The following NSD3 variants were observed in gnomAD, a reference collection of about 807,000 sequenced individuals.
The protein encoded by NSD3 is nuclear receptor binding SET domain protein 3.
A neutral mutation model predicts 160.8 loss-of-function variants in NSD3; 24 were observed. That is an observed-to-expected ratio of 0.15 (90% CI 0.11 to 0.21). NSD3 has a LOEUF of 0.21. Among genes scored for constraint, NSD3 ranks in the 10% least tolerant of loss-of-function variants. The probability of loss-of-function intolerance (pLI) is 1.00; values close to 1 mark genes in which losing one functional copy is unlikely to be tolerated. For synonymous variants in NSD3, 520 were observed against 600.0 expected (o/e 0.87, Z 1.95); for missense variants, 1,157 against 1,735.9 (o/e 0.67, Z 5.93).
chr8:38,279,503 T>C, intron 21 of NSD3, 37 bp downstream of exon 21: 3 of 1,609,102 alleles, frequency 1.9e-6, no homozygotes, highest in South Asian at 1.1e-5. Flanking sequence ...TCTTTCTTCC[T>C]AGGGAGGAAA....
At chr8:38,282,865 C>A (rs916386401) in intron 19 of NSD3, among the ~76,000 whole-genome samples, 1 of 152,048 alleles carries the variant, frequency 6.6e-6, no homozygotes, top group African/African-American at 2.4e-5. Context: ...AGCCATTCAC[C>A]CATGGAAGAA....
intron 12 of NSD3, among the ~76,000 whole-genome samples, chr8:38,311,028 G>A (rs1214658904): frequency 1.3e-5 from 2 of 148,836 alleles, no homozygotes; most frequent in South Asian, 4.3e-4. Flanking sequence ...ATTCTAATGG[G>A]TATCAAGTGG....
At chr8:38,336,932 G>A (rs905510493) in intron 4 of NSD3, among the ~76,000 whole-genome samples, 3 of 151,990 alleles carry the variant, frequency 2.0e-5, no homozygotes, top group East Asian at 3.9e-4. Flanking sequence ...CCTTGAGTTC[G>A]AGAGTTCAAG....
intron 2 of NSD3, among the ~76,000 whole-genome samples, chr8:38,343,330 T>C (rs1466927719): frequency 6.6e-6 from 1 of 152,158 alleles, no homozygotes; most frequent in Non-Finnish European, 1.5e-5. Context: ...ACATTAAAGT[T>C]GGAAAGAAAA....
At chr8:38,287,501 A>C (rs1808890703) in intron 19 of NSD3, among the ~76,000 whole-genome samples, 1 of 152,170 alleles carries the variant, frequency 6.6e-6, no homozygotes, top group Non-Finnish European at 1.5e-5. Context: ...TACCTATCAA[A>C]CTATGAACAA....
At chr8:38,354,732 G>GA (rs745424662) in intron 1 of NSD3, among the ~76,000 whole-genome samples, 30 of 145,104 alleles carry the variant, frequency 2.1e-4, no homozygotes, top group Admixed American at 3.4e-4. Flanking sequence ...AAAGTTCGGG[G>GA]AAAAAAAAAA....
rs1810246484 is a variant in NSD3, at chr8:38,337,322, G to C, written c.893C>G (p.Thr298Ser). The change falls in exon 4 of 24, where the codon ACT becomes AGT. Residue 298 changes from threonine (T) to serine (S), a missense_variant. By Grantham distance (58) the Thr-to-Ser change is moderately conservative (BLOSUM62 1). Transcript: ENST00000317025. ...VSSDPQLEVH[T>S]KINTRGAREY... ...TTTCTTACCTCTTGTGTTAATTTTA[G>C]TATGAACCTCAAGCTGGGGATCACT... 4 of 1,603,750 alleles carry C rather than the reference G, an allele frequency of 2.5e-6. No individual in the cohort carries two copies. Among genetic ancestry groups the C allele is most frequent in the Non-Finnish European group, 3.4e-6 (4 of 1,176,826 alleles).
chr8:38,275,444 A>G lies in NSD3; in HGVS notation c.*197T>C. The G allele has an allele frequency of 1.8e-6, 1 of 564,130 alleles. No individual in the cohort carries two copies. The highest frequency in any genetic ancestry group is 3.1e-6 in the Non-Finnish European group (1 of 322,134). 34.9% of individuals were successfully genotyped at this position (564,130 alleles called of 1,614,324 possible). A position where few individuals can be genotyped will look rare whatever the true frequency, so the allele number is the denominator to read the frequency against. On this transcript the variant is annotated 3_prime_UTR_variant, in exon 24 of 24. Coordinates refer to ENST00000317025, the MANE Select transcript of NSD3 (RefSeq NM_023034.2). ...CCAAGGGAATTTAACCCTCCACAAAAGAATCCCAAACCAACCAAATCAAAC... is the reference window on the plus strand; with the variant it reads ...CCAAGGGAATTTAACCCTCCACAAAGGAATCCCAAACCAACCAAATCAAAC...
rs1053343112 is a variant in NSD3 at position 38,270,008 on chromosome 8, T to C, written c.*5633A>G. 1 of 152,226 alleles carries C rather than the reference T, an allele frequency of 6.6e-6. No homozygotes were observed. The highest frequency in any genetic ancestry group is 2.4e-5 in the African/African-American group (1 of 41,448). 9.4% of individuals were successfully genotyped at this position (152,226 alleles called of 1,614,324 possible). A position where few individuals can be genotyped will look rare whatever the true frequency, so the allele number is the denominator to read the frequency against. On this transcript the variant is annotated 3_prime_UTR_variant, in exon 24 of 24. Transcript: ENST00000317025. Reference sequence around the variant, plus strand: ...ACCAAGCTTTACACGTTTCACACTATGCAATAAAACATAGGCCAATCAACA... The same window carrying C: ...ACCAAGCTTTACACGTTTCACACTACGCAATAAAACATAGGCCAATCAACA...
In NSD3 at chr8:38,288,282, G is replaced by C. The variant is rs898826403; in HGVS notation, c.3501+205C>G. 1.4e-4 allele frequency among the ~76,000 whole-genome samples: 21 copies of C among 152,110 alleles called. 1 individual carries two copies. The highest frequency in any genetic ancestry group is 1.2e-3 in the Admixed American group (19 of 15,276). ...CTCTCCTTTTTATGACTAGCCACTGGACACTCAAAGTTTAAGCACATTTTA... is the reference window on the plus strand; with the variant it reads ...CTCTCCTTTTTATGACTAGCCACTGCACACTCAAAGTTTAAGCACATTTTA... On this transcript the variant is annotated intron_variant, in intron 19 of 23. Coordinates refer to ENST00000317025, the MANE Select transcript of NSD3 (RefSeq NM_023034.2). The surrounding 1 kb of genome is among the most constrained non-coding windows in gnomAD (Gnocchi z 4.5).
intron 1 of NSD3, among the ~76,000 whole-genome samples, chr8:38,371,533 G>A (rs1224579614): frequency 6.6e-6 from 1 of 152,124 alleles, no homozygotes; most frequent in Admixed American, 6.5e-5. Flanking sequence ...AATCGCTATC[G>A]CCCATGCAGG....
intron 5 of NSD3, 126 bp from the exon 6 acceptor site, chr8:38,330,019 A>T: frequency 9.2e-7 from 1 of 1,088,930 alleles, no homozygotes; most frequent in Non-Finnish European, 1.3e-6. Context: ...TTCTTTGGTC[A>T]AACAAGTGGA....
chr8:38,380,716 T>G (rs1401182832), intron 1 of NSD3: 2 of 152,130 alleles, frequency 1.3e-5, no homozygotes, highest in African/African-American at 2.4e-5. Context: ...TAATTTAAAA[T>G]GACCCAAGAC....
intron 12 of NSD3, among the ~76,000 whole-genome samples, chr8:38,311,569 G>A (rs1367785129): frequency 2.0e-5 from 3 of 152,038 alleles, no homozygotes; most frequent in Non-Finnish European, 4.4e-5. Flanking sequence ...CAGGTGATCC[G>A]CCCAACTCAG....
intron 2 of NSD3, among the ~76,000 whole-genome samples, chr8:38,345,816 G>A (rs575518281): frequency 1.1e-3 from 173 of 152,114 alleles, no homozygotes; most frequent in African/African-American, 1.8e-3. Context: ...GGCTGAGGCA[G>A]GAGAATTGCT....
chr8:38,315,894 A>G lies in NSD3; in HGVS notation c.1986+18T>C, dbSNP rs1328104192. ...GTTCAAGAAAGAACACTTTGTCCAG[A>G]CCCTTGCACATATTTACCTGCAGGT... On this transcript the variant is annotated intron_variant, in intron 10 of 23. Transcript: ENST00000317025. 1 of 1,611,310 alleles carries G rather than the reference A, an allele frequency of 6.2e-7. No individual in the cohort carries two copies.
chr8:38,333,516 C>T (rs1810120715), intron 4 of NSD3, among the ~76,000 whole-genome samples: 1 of 152,222 alleles, frequency 6.6e-6, no homozygotes, highest in Non-Finnish European at 1.5e-5. Flanking sequence ...ATAATTATTA[C>T]ATCTTTATGT....
Position 38,338,663 on chromosome 8 carries a change from C to A in NSD3, c.676-56G>T. The A allele has an allele frequency of 9.0e-6, 12 of 1,335,730 alleles. No homozygotes were observed. The Admixed American group carries it at 1.3e-4, about 14-fold the overall frequency. The allele number at this position is 1,335,730 out of a possible 1,614,324, so 82.7% of individuals were successfully genotyped here. On this transcript the variant is annotated intron_variant, in intron 2 of 23. Coordinates refer to ENST00000317025, the MANE Select transcript of NSD3 (RefSeq NM_023034.2). ...AAATGGCATTAAATAAACAAACAAA[C>A]AAAAAACAGTGACATACATAAAAAG... is the stretch of plus-strand genomic sequence containing the variant.
chr8:38,355,571 AAGG>A (rs1466413450), intron 1 of NSD3, among the ~76,000 whole-genome samples: 2 of 152,248 alleles, frequency 1.3e-5, no homozygotes, highest in African/African-American at 2.4e-5. Flanking sequence ...ACAGACATCT[AAGG>A]AGAAGAAAAA....
Sources: gnomAD v4.1 joint callset for allele counts (sites outside exome capture counted in the v4.1 genomes callset) on GRCh38, gnomAD v4.1.1 for gene constraint, Gnocchi (gnomAD v3.1) non-coding constraint, MANE v1.5 for transcripts, NCBI Gene and HGNC (gene_info 2026-07-23, HGNC 2026-07-21) for gene names.